Variants in CHD2 observed in about 807,000 individuals in gnomAD.
CHD2 encodes ATP-dependent chromatin remodeler CHD2.
A neutral mutation model predicts 243.9 loss-of-function variants in CHD2; 28 were observed. That is an observed-to-expected ratio of 0.11 (90% CI 0.09 to 0.16). The LOEUF is 0.16. CHD2 is among the 10% of genes least tolerant of loss of function. The pLI, the probability that CHD2 is intolerant of heterozygous loss-of-function variation, is 1.00. For missense variants in CHD2, 1,386 were observed against 2,209.8 expected, an observed-to-expected ratio of 0.63 and a Z score of 7.47; for synonymous variants, 775 against 779.0, an observed-to-expected ratio of 0.99 and a Z score of 0.09.
chr15:93,006,078 T>C (rs891097849), intron 34 of CHD2, among the ~76,000 whole-genome samples: 1 of 151,998 alleles, frequency 6.6e-6, no homozygotes, highest in Non-Finnish European at 1.5e-5. Flanking sequence ...GCTGAATCCC[T>C]TGGTGTTCCT....
intron 17 of CHD2, among the ~76,000 whole-genome samples, chr15:92,968,850 T>C (rs898344739): frequency 3.3e-5 from 5 of 152,224 alleles, no homozygotes; most frequent in African/African-American, 1.2e-4. Context: ...CATTTTTAGC[T>C]AGTGGGAACT....
chr15:92,991,437 C>G (rs756474757), intron 26 of CHD2, 39 bp from the exon 27 acceptor site: 1 of 1,463,884 alleles, frequency 6.8e-7, no homozygotes, highest in South Asian at 1.2e-5. Context: ...TAAAGTAAGT[C>G]TCTGTTTTTT....
Position 93,020,154 on chromosome 15 carries a change from C to T in CHD2, c.5049C>T (p.Ala1683=), listed in dbSNP as rs139534358. Reference sequence around the variant, plus strand: ...ATGGGGACCGGCGACATATGGATGCCCACCGTTCCGGAAGCTATCGACCCA... The same window carrying T: ...ATGGGGACCGGCGACATATGGATGCTCACCGTTCCGGAAGCTATCGACCCA... ...HHYGDRRHMD[A]HRSGSYRPNN... The change falls in exon 38 of 39, where the codon GCC becomes GCT. Residue 1683 remains alanine (A), a synonymous_variant. Coordinates refer to ENST00000394196, the MANE Select transcript of CHD2 (RefSeq NM_001271.4). The T allele has an allele frequency of 1.8e-3, 2,909 of 1,613,968 alleles. 3 individuals carry two copies. Among genetic ancestry groups the T allele is most frequent in the Non-Finnish European group, 2.1e-3 (2,502 of 1,179,992 alleles).
chr15:92,971,969 A>G, intron 18 of CHD2, 42 bp downstream of exon 18: 3 of 1,574,026 alleles, frequency 1.9e-6, no homozygotes, highest in Non-Finnish European at 2.6e-6. Flanking sequence ...AAAAACGCTT[A>G]GTTTCTCTAG....
chr15:92,948,391 G>A (rs900511534), intron 12 of CHD2, among the ~76,000 whole-genome samples: 18 of 152,094 alleles, frequency 1.2e-4, no homozygotes, highest in Admixed American at 6.5e-4. Context: ...AAGACCTAAA[G>A]TGCTATTTAA....
intron 21 of CHD2, 45 bp downstream of exon 21, chr15:92,978,428 C>A: frequency 6.3e-7 from 1 of 1,584,562 alleles, no homozygotes; most frequent in Non-Finnish European, 8.6e-7. Flanking sequence ...GGTTGGGGGC[C>A]AGGGGGCTTG....
intron 14 of CHD2, among the ~76,000 whole-genome samples, chr15:92,954,676 CAAAG>C (rs2053595898): frequency 3.3e-5 from 5 of 152,156 alleles, no homozygotes; most frequent in African/African-American, 4.8e-5. Flanking sequence ...TGATTGCAAA[CAAAG>C]AAAATGAACT....
Position 92,902,179 on chromosome 15 carries a change from T to C in CHD2, c.62+880T>C, listed in dbSNP as rs1172563691. The C allele has an allele frequency of 2.3e-5, 9 of 397,860 alleles. No homozygotes were observed. The Admixed American group carries it at 4.0e-4, about 18-fold the overall frequency. 24.6% of individuals were successfully genotyped at this position (397,860 alleles called of 1,614,324 possible). A position where few individuals can be genotyped will look rare whatever the true frequency, so the allele number is the denominator to read the frequency against. ...TTATTGATGTATTTCGACAGAGTCG[T>C]CTGGAATGCTTTATCTTCTGAAGCT... is the stretch of plus-strand genomic sequence containing the variant. On this transcript the variant is annotated intron_variant, in intron 2 of 38. Coordinates refer to ENST00000394196, the MANE Select transcript of CHD2 (RefSeq NM_001271.4).
chr15:92,960,810 G>A (rs566045271), intron 16 of CHD2, among the ~76,000 whole-genome samples: 1 of 145,788 alleles, frequency 6.9e-6, no homozygotes, highest in East Asian at 2.1e-4. Context: ...CACCTCCCAG[G>A]TTCAAGCATT....
intron 26 of CHD2, among the ~76,000 whole-genome samples, chr15:92,989,131 A>G (rs1052660334): frequency 1.8e-4 from 27 of 148,404 alleles, no homozygotes; most frequent in Admixed American, 2.1e-4. Flanking sequence ...TCCTGGGTTC[A>G]AGTGATTCTC....
chr15:92,902,147 T>C (rs868429964), intron 2 of CHD2: 11 of 397,830 alleles, frequency 2.8e-5, no homozygotes, highest in Middle Eastern at 1.2e-3. Context: ...ATGTAGCTGC[T>C]TTAAATTTAT....
Position 92,980,867 on chromosome 15 carries a change from G to C in CHD2, c.2929G>C (p.Glu977Gln). Residue 977 changes from glutamate to glutamine, a missense_variant, in exon 23 of 39, where the codon GAG becomes CAG. This residue lies in a region of CHD2 where 99 missense variants were observed against 206.4 expected (regional missense o/e 0.48). Transcript: ENST00000394196. ...ELTAILKFGA[E>Q]DLFKELEGEE... is the part of the protein sequence containing the mutation. The stretch of plus-strand genomic sequence containing the variant: ...GACAGCTATTTTGAAATTTGGAGCA[G>C]AGGATCTCTTCAAAGAACTGGAAGG... 6 of 1,613,852 alleles carry C rather than the reference G, an allele frequency of 3.7e-6. No homozygotes were observed. The highest frequency in any genetic ancestry group is 5.1e-6 in the Non-Finnish European group (6 of 1,179,848).
At chr15:93,002,015 A>G (rs896165507) in intron 32 of CHD2, among the ~76,000 whole-genome samples, 162 bp from the exon 33 acceptor site, 18 of 152,236 alleles carry the variant, frequency 1.2e-4, no homozygotes, top group Admixed American at 6.5e-5. Flanking sequence ...TTATTACTGG[A>G]AAGTTTAGAC....
At chr15:92,985,382 TGTCTG>T in intron 25 of CHD2, 111 bp from the exon 26 acceptor site, 1 of 1,025,288 alleles carries the variant, frequency 9.8e-7, no homozygotes, top group Non-Finnish European at 1.3e-6. Context: ...AAAATTGACT[TGTCTG>T]ATATGGTGAG....
chr15:92,911,428 T>C (rs995993508), intron 2 of CHD2, among the ~76,000 whole-genome samples: 1 of 152,310 alleles, frequency 6.6e-6, no homozygotes, highest in Non-Finnish European at 1.5e-5. Context: ...GAAAAGTTGC[T>C]GTCAAATTAA....
At chr15:93,008,384 C>A (rs1377545262) in intron 34 of CHD2, among the ~76,000 whole-genome samples, 1 of 152,192 alleles carries the variant, frequency 6.6e-6, no homozygotes, top group Admixed American at 6.5e-5. Context: ...ATCTGGGTAT[C>A]TTATGAATCT....
rs1027549125 is a variant in CHD2, at chr15:92,905,391, A to G, written c.62+4092A>G. ...CGATGTCTTAATAATTAAATTACAC[A>G]TACTGAATTTAAGCAAGCAAGAAAT... On this transcript the variant is annotated intron_variant, in intron 2 of 38. Transcript: ENST00000394196. 2.6e-5 allele frequency among the ~76,000 whole-genome samples: 4 copies of G among 152,242 alleles called. No homozygotes were observed. In the East Asian group the frequency reaches 7.7e-4, roughly 29 times the overall value.
chr15:92,911,796 G>GA (rs2052741302), intron 2 of CHD2, among the ~76,000 whole-genome samples: 1 of 152,072 alleles, frequency 6.6e-6, no homozygotes, highest in African/African-American at 2.4e-5. Context: ...ATGTATATGA[G>GA]ACTGCGGAAA....
intron 2 of CHD2, among the ~76,000 whole-genome samples, chr15:92,908,528 G>A (rs1396019573): frequency 6.6e-6 from 1 of 152,060 alleles, no homozygotes; most frequent in Non-Finnish European, 1.5e-5. Flanking sequence ...CCTGCCCCTA[G>A]GATCTAGTTA....
Sources: allele counts gnomAD v4.1 joint callset (sites outside exome capture counted in the v4.1 genomes callset), GRCh38; gene constraint gnomAD v4.1.1; regional missense constraint gnomAD v4.1.1; transcripts MANE v1.5; gene names NCBI Gene and HGNC (gene_info 2026-07-23, HGNC 2026-07-21).